Variants in NYAP2 observed in about 807,000 individuals in gnomAD.
NYAP2 encodes neuronal tyrosine-phosphorylated phosphoinositide-3-kinase adaptor 2.
A neutral mutation model predicts 50.4 loss-of-function variants in NYAP2; 23 were observed. That is an observed-to-expected ratio of 0.46 (90% CI 0.33 to 0.65). The LOEUF is 0.65. Ranked by LOEUF, NYAP2 falls within the 30% of genes least tolerant of loss-of-function variation. The pLI is 0.02. For missense variants in NYAP2, 885 were observed against 861.0 expected (o/e 1.03, Z -0.35); for synonymous variants, 394 against 365.2 (o/e 1.08, Z -0.90).
At chr2:225,444,852 A>G (rs1025028999) in intron 3 of NYAP2, among the ~76,000 whole-genome samples, 2 of 152,240 alleles carry the variant, frequency 1.3e-5, no homozygotes, top group East Asian at 1.9e-4. Flanking sequence ...TTAAAAGACA[A>G]TAACACTTAT....
chr2:225,665,157 T>C, the NYAP2 span, among the ~76,000 whole-genome samples: 2 of 152,202 alleles, frequency 1.3e-5, no homozygotes, highest in African/African-American at 2.4e-5. Flanking sequence ...AGATTTTCTC[T>C]TTACAAAATT....
chr2:225,415,492 T>C (rs578062758), intron 3 of NYAP2, among the ~76,000 whole-genome samples: 1 of 152,300 alleles, frequency 6.6e-6, no homozygotes, highest in South Asian at 2.1e-4. Context: ...ATGTTAACAG[T>C]TACATAAATC....
intron 6 of NYAP2, among the ~76,000 whole-genome samples, chr2:225,647,604 A>C (rs897317735): frequency 2.0e-5 from 3 of 152,172 alleles, no homozygotes; most frequent in African/African-American, 7.2e-5. Flanking sequence ...TCTTTGTTAC[A>C]TCATTGCCTC....
At chr2:225,628,358 G>C (rs865993149) in intron 6 of NYAP2, among the ~76,000 whole-genome samples, 1 of 99,644 alleles carries the variant, frequency 1.0e-5, no homozygotes, top group Non-Finnish European at 1.9e-5. Context: ...TTTCACTCTT[G>C]TTGCCCAGGC....
At chr2:225,440,804 G>A (rs1689457286) in intron 3 of NYAP2, among the ~76,000 whole-genome samples, 2 of 152,186 alleles carry the variant, frequency 1.3e-5, no homozygotes, top group East Asian at 3.8e-4. Context: ...CAGCTCTCCT[G>A]GTGGGTAGGA....
At chr2:225,666,827 T>A in the NYAP2 span, among the ~76,000 whole-genome samples, 2 of 151,508 alleles carry the variant, frequency 1.3e-5, no homozygotes, top group African/African-American at 4.9e-5. Context: ...TCTTTACAGA[T>A]ACATATTCCC....
At chr2:225,653,104 T>G (rs1379737821) in exon 7 of NYAP2, 1 of 152,198 alleles carries the variant, frequency 6.6e-6, no homozygotes. Context: ...AACTGCCAAC[T>G]TAGCTAATTA....
chr2:225,585,699 A>G (rs1438956635), intron 5 of NYAP2, among the ~76,000 whole-genome samples: 1 of 152,244 alleles, frequency 6.6e-6, no homozygotes, highest in African/African-American at 2.4e-5. Flanking sequence ...CAAATGAATA[A>G]TCAAAAAATC....
chr2:225,621,146 G>A (rs1428704283), intron 5 of NYAP2, among the ~76,000 whole-genome samples: 2 of 151,760 alleles, frequency 1.3e-5, no homozygotes, highest in African/African-American at 4.8e-5. Flanking sequence ...TAGAAGAGAA[G>A]GTGGGCTGAA....
intron 6 of NYAP2, among the ~76,000 whole-genome samples, chr2:225,648,597 TAGAG>T (rs1229132437): frequency 6.6e-6 from 1 of 152,044 alleles, no homozygotes; most frequent in South Asian, 2.1e-4. Context: ...ACTAAATTTA[TAGAG>T]AGAGGAAAAG....
At chr2:225,513,758 C>T in intron 4 of NYAP2, 86 bp downstream of exon 4, 1 of 1,035,978 alleles carries the variant, frequency 9.7e-7, no homozygotes, top group Admixed American at 3.4e-5. Context: ...GTGCCTTCTT[C>T]ACTGGGCCAC....
At chr2:225,583,898 C>T (rs1418395016) in intron 5 of NYAP2, among the ~76,000 whole-genome samples, 2 of 152,076 alleles carry the variant, frequency 1.3e-5, no homozygotes, top group African/African-American at 4.8e-5. Flanking sequence ...GAAAATTAGC[C>T]GGGTGTGGTG....
chr2:225,604,606 C>T (rs1166607049), intron 5 of NYAP2, among the ~76,000 whole-genome samples: 4 of 152,002 alleles, frequency 2.6e-5, no homozygotes, highest in Non-Finnish European at 4.4e-5. Flanking sequence ...TATGGTTTTA[C>T]TTGATCTTCT....
chr2:225,551,174 C>T lies in NYAP2; in HGVS notation c.524-30767C>T, dbSNP rs530874511. Among the ~76,000 whole-genome samples the T allele has an allele frequency of 2.8e-4, 43 of 152,230 alleles. 1 individual carries two copies. Among genetic ancestry groups the T allele is most frequent in the African/African-American group, 8.9e-4 (37 of 41,536 alleles). ...ACCTGTGACAGCTACTTTAGTGACCCCTAGTGAATTTCACCTTCTGGTATC... is the reference window on the plus strand; with the variant it reads ...ACCTGTGACAGCTACTTTAGTGACCTCTAGTGAATTTCACCTTCTGGTATC... On this transcript the variant is annotated intron_variant, in intron 4 of 6. Transcript: ENST00000636099.
At chr2:225,554,689 G>T (rs1171567297) in intron 4 of NYAP2, among the ~76,000 whole-genome samples, 6 of 152,058 alleles carry the variant, frequency 3.9e-5, no homozygotes, top group African/African-American at 1.2e-4. Context: ...TTGGGGGAGG[G>T]GCAAAGGGAG....
intron 6 of NYAP2, among the ~76,000 whole-genome samples, chr2:225,645,656 C>T (rs1693622351): frequency 6.6e-6 from 1 of 152,050 alleles, no homozygotes; most frequent in South Asian, 2.1e-4. Context: ...AGAACAAGTG[C>T]CTTCTAGTTA....
chr2:225,475,282 A>T (rs556998484), intron 3 of NYAP2, among the ~76,000 whole-genome samples: 13 of 152,244 alleles, frequency 8.5e-5, no homozygotes, highest in Middle Eastern at 3.4e-3. Flanking sequence ...GCTAAACCAT[A>T]CCAAACCAAA....
the NYAP2 span, among the ~76,000 whole-genome samples, chr2:225,669,810 A>T: frequency 1.3e-5 from 2 of 152,190 alleles, no homozygotes; most frequent in African/African-American, 4.8e-5. Context: ...AACAATTTTT[A>T]TTTCCGTTCT....
At chr2:225,473,010 C>A (rs112906915) in intron 3 of NYAP2, among the ~76,000 whole-genome samples, 5 of 152,236 alleles carry the variant, frequency 3.3e-5, no homozygotes, top group African/African-American at 9.6e-5. Flanking sequence ...TTCCTGTGTC[C>A]AAGTGTTCTC....
Sources: gnomAD v4.1 joint callset for allele counts (sites outside exome capture counted in the v4.1 genomes callset) on GRCh38, gnomAD v4.1.1 for gene constraint, MANE v1.5 for transcripts, NCBI Gene and HGNC (gene_info 2026-07-23, HGNC 2026-07-21) for gene names.